LEO1: variants seen among roughly 807,000 people sequenced by gnomAD.
LEO1 encodes the protein RNA polymerase-associated protein LEO1.
In LEO1, 34 loss-of-function variants were observed where a neutral mutation model predicts 80.4. The observed-to-expected ratio is 0.42, with a 90% confidence interval of 0.32 to 0.56. The LOEUF is 0.56. Among genes scored for constraint, LEO1 ranks in the 20% least tolerant of loss-of-function variants. LEO1 has a pLI of 0.10. For synonymous variants in LEO1, 262 were observed against 274.9 expected (o/e 0.95, Z 0.46); for missense variants, 631 against 814.2 (o/e 0.77, Z 2.74).
intron 11 of LEO1, among the ~76,000 whole-genome samples, chr15:51,946,369 T>C (rs139790739): frequency 2.5e-4 from 38 of 152,162 alleles, no homozygotes; most frequent in African/African-American, 8.4e-4. Flanking sequence ...TGCTAATTTG[T>C]ATTTTTAGTA....
Position 51,954,584 on chromosome 15 carries a change from C to G in LEO1, c.1246-9G>C. ...CTTATAGTATTTTCTACCTGTTTCA[C>G]AACACAAGTACTTTAGAAAATTATA... On this transcript the variant is annotated splice_polypyrimidine_tract_variant and intron_variant, in intron 6 of 11. Transcript: ENST00000299601. 1 of 1,559,776 alleles carries G rather than the reference C, an allele frequency of 6.4e-7. No individual in the cohort carries two copies.
intron 4 of LEO1, among the ~76,000 whole-genome samples, 189 bp downstream of exon 4, chr15:51,960,450 C>T (rs944350718): frequency 6.6e-6 from 1 of 152,210 alleles, no homozygotes; most frequent in African/African-American, 2.4e-5. Context: ...ACACCAACCT[C>T]ATGTTTGGCA....
At chr15:51,964,830 T>C (rs2057062142) in intron 2 of LEO1, among the ~76,000 whole-genome samples, 1 of 152,242 alleles carries the variant, frequency 6.6e-6, no homozygotes, top group Non-Finnish European at 1.5e-5. Context: ...GTAACTTTTA[T>C]ATAATACAAA....
chr15:51,950,034 C>A, intron 9 of LEO1, 40 bp from the exon 10 acceptor site: 1 of 1,540,962 alleles, frequency 6.5e-7, no homozygotes, highest in Non-Finnish European at 8.8e-7. Context: ...TAAAAAGGAG[C>A]TACTTTTGTG....
chr15:51,940,256 A>C (rs1291947803), intron 11 of LEO1, among the ~76,000 whole-genome samples: 3 of 86,788 alleles, frequency 3.5e-5, no homozygotes, highest in Admixed American at 1.2e-4. Flanking sequence ...CTCCGTATCA[A>C]AAAAAAAAAA....
intron 2 of LEO1, among the ~76,000 whole-genome samples, chr15:51,964,042 T>TA (rs1324517457): frequency 3.3e-5 from 5 of 151,354 alleles, no homozygotes; most frequent in Admixed American, 1.3e-4. Context: ...CTGTCTCTAC[T>TA]AAAAATACAA....
chr15:51,949,709 A>G (rs1346912555), intron 10 of LEO1, 99 bp downstream of exon 10: 2 of 1,128,416 alleles, frequency 1.8e-6, no homozygotes, highest in African/African-American at 3.1e-5. Context: ...CAAAAAAAAA[A>G]AAAAAAAGTC....
intron 11 of LEO1, among the ~76,000 whole-genome samples, chr15:51,938,947 G>A (rs1270399630): frequency 6.6e-6 from 1 of 152,178 alleles, no homozygotes; most frequent in Non-Finnish European, 1.5e-5. Context: ...CACTTTGGGA[G>A]GCCAAAGGGG....
At chr15:51,968,541 T>C (rs926863315) in intron 1 of LEO1, among the ~76,000 whole-genome samples, 4 of 148,962 alleles carry the variant, frequency 2.7e-5, no homozygotes, top group Non-Finnish European at 4.5e-5. Context: ...AAAAAAAAAG[T>C]AAGTGAAGGC....
intron 2 of LEO1, among the ~76,000 whole-genome samples, chr15:51,963,950 T>C (rs918854191): frequency 2.0e-5 from 3 of 149,440 alleles, no homozygotes; most frequent in African/African-American, 7.4e-5. Context: ...CTCACGCCTG[T>C]AATCCCAGCA....
chr15:51,961,373 T>TGGTGGTGGTGGTGGTTGC (rs2057029285), intron 3 of LEO1, among the ~76,000 whole-genome samples: 2 of 144,610 alleles, frequency 1.4e-5, no homozygotes, highest in African/African-American at 5.2e-5. Context: ...GTGGTGGTGG[T>TGGTGGTGGTGGTGGTTGC]GGTGGTGGTG....
chr15:51,961,189 C>T (rs1354573479), intron 3 of LEO1, among the ~76,000 whole-genome samples: 1 of 152,132 alleles, frequency 6.6e-6, no homozygotes, highest in African/African-American at 2.4e-5. Context: ...TTGACACCAG[C>T]CTGACCAACA....
chr15:51,968,032 A>C (rs2057092209), intron 1 of LEO1, among the ~76,000 whole-genome samples: 1 of 151,762 alleles, frequency 6.6e-6, no homozygotes, highest in Non-Finnish European at 1.5e-5. Context: ...AAAAATACAA[A>C]AATTAGCCAG....
intron 1 of LEO1, among the ~76,000 whole-genome samples, chr15:51,969,880 G>C: frequency 6.9e-6 from 1 of 144,466 alleles, no homozygotes; most frequent in African/African-American, 2.5e-5. Context: ...AGCATCATTA[G>C]CCTTTGGGAA....
rs754236302 is a variant in LEO1, at chr15:51,965,860, G to A, written c.703C>T (p.Pro235Ser). 2.3e-5 allele frequency: 37 copies of A among 1,614,018 alleles called. No individual in the cohort carries two copies. The highest frequency in any genetic ancestry group is 2.9e-5 in the Non-Finnish European group (34 of 1,180,000). The change falls in exon 2 of 12, where the codon CCA (proline) becomes TCA (serine). Residue 235 changes from proline to serine, a missense_variant. By Grantham distance (74) the Pro-to-Ser change is moderately conservative. Around this residue, in one of 4 missense-constraint regions of LEO1, gnomAD observed 394 missense variants for 395.6 expected, o/e 1.00. Coordinates refer to ENST00000299601, the MANE Select transcript of LEO1 (RefSeq NM_138792.4). ...ATTTTCTCTTCATCAGACAGCTGTG[G>A]TTGTTCTTCATCATCAGAATTCTGT... ...EKQNSDDEEQ[P>S]QLSDEEKMQN...
At position 51,966,402 on chromosome 15, in the gene LEO1, C is replaced by A; in HGVS notation, c.161G>T (p.Gly54Val). 1 of 1,614,158 alleles carries A rather than the reference C, an allele frequency of 6.2e-7. No individual in the cohort carries two copies. Among genetic ancestry groups the A allele is most frequent in the Non-Finnish European group, 8.5e-7 (1 of 1,179,988 alleles). The change falls in exon 2 of 12, where the codon GGA becomes GTA. Residue 54 changes from glycine to valine, a missense_variant. Gly to Val is a moderately radical substitution (Grantham distance 109). Coordinates refer to ENST00000299601, the MANE Select transcript of LEO1 (RefSeq NM_138792.4). ...AAACAGTTCCTTATTACTTGGTTGT[C>A]CTGAATCACCTCTTTCATCCTGATC... ...ESDQDERGDS[G>V]QPSNKELFGD...
At chr15:51,949,509 G>A (rs1197631774) in intron 10 of LEO1, among the ~76,000 whole-genome samples, 1 of 152,068 alleles carries the variant, frequency 6.6e-6, no homozygotes, top group Non-Finnish European at 1.5e-5. Context: ...AGACCAGCCT[G>A]GCCAACATGG....
rs751708139 is a variant in LEO1 at position 51,958,737 on chromosome 15, GGT to G, written c.1245+3_1245+4del. The G allele has an allele frequency of 2.0e-4, 302 of 1,544,216 alleles. No homozygotes were observed. The highest frequency in any genetic ancestry group is 2.6e-4 in the Non-Finnish European group (297 of 1,129,092). ...GAAAAAAAAGGAAAAAGCATGAAAT[GGT>G]ACCTTTAATTTTAACCTGGTTCTAC... On this transcript the variant is annotated splice_donor_region_variant and intron_variant, in intron 6 of 11. Transcript: ENST00000299601.
chr15:51,954,834 C>T, intron 6 of LEO1: 1 of 398,190 alleles, frequency 2.5e-6, no homozygotes, highest in Non-Finnish European at 4.5e-6. Flanking sequence ...AGCATTTGAG[C>T]AGATGGCAGA....
Sources: gnomAD v4.1 joint callset for allele counts (sites outside exome capture counted in the v4.1 genomes callset) on GRCh38, gnomAD v4.1.1 for gene constraint, gnomAD v4.1.1 regional missense constraint, MANE v1.5 for transcripts, NCBI Gene and HGNC (gene_info 2026-07-23, HGNC 2026-07-21) for gene names.